The following AUH variants were observed in gnomAD, a reference collection of about 807,000 sequenced individuals.
AUH encodes methylglutaconyl-CoA hydratase, mitochondrial.
Under a neutral mutation model 42.3 loss-of-function variants are expected in AUH, and 29 were observed. The ratio of observed to expected loss-of-function variants is 0.69; its 90% CI spans 0.51 to 0.93. The LOEUF is 0.93. AUH is among the 40% of genes least tolerant of loss of function. The pLI, the probability that AUH is intolerant of heterozygous loss-of-function variation, is 0.00. For synonymous variants in AUH, 174 were observed against 166.4 expected, an observed-to-expected ratio of 1.05 and a Z score of -0.35; for missense variants, 452 against 438.1, an observed-to-expected ratio of 1.03 and a Z score of -0.28.
intron 9 of AUH, among the ~76,000 whole-genome samples, 183 bp downstream of exon 9, chr9:91,215,876 G>A (rs184930648): frequency 1.8e-4 from 28 of 152,312 alleles, no homozygotes; most frequent in African/African-American, 6.7e-4. Flanking sequence ...AGGCATTCCT[G>A]TGGAACAGAA....
At chr9:91,314,122 C>T (rs550441390) in intron 4 of AUH, among the ~76,000 whole-genome samples, 3 of 151,908 alleles carry the variant, frequency 2.0e-5, no homozygotes, top group Non-Finnish European at 4.4e-5. Flanking sequence ...CTGTGCCTGC[C>T]CATAAACGCA....
At chr9:91,238,948 C>G (rs1269393987) in intron 6 of AUH, among the ~76,000 whole-genome samples, 1 of 152,184 alleles carries the variant, frequency 6.6e-6, no homozygotes, top group Non-Finnish European at 1.5e-5. Context: ...GACCAAAAGA[C>G]CTAAATTCAA....
At chr9:91,283,330 T>C (rs367728024) in intron 6 of AUH, among the ~76,000 whole-genome samples, 1 of 151,996 alleles carries the variant, frequency 6.6e-6, no homozygotes. Context: ...TAAGAGCTAT[T>C]TATGACAAAC....
chr9:91,335,848 T>G (rs1056144810), intron 3 of AUH, among the ~76,000 whole-genome samples: 2 of 152,226 alleles, frequency 1.3e-5, no homozygotes, highest in Non-Finnish European at 2.9e-5. Flanking sequence ...CTGCCTGTGG[T>G]GACAGAATGT....
At chr9:91,244,402 A>C (rs796964168) in intron 6 of AUH, among the ~76,000 whole-genome samples, 4 of 152,372 alleles carry the variant, frequency 2.6e-5, no homozygotes, top group African/African-American at 7.2e-5. Flanking sequence ...CTGAATTTGC[A>C]CATAAACTTA....
At chr9:91,304,603 A>C (rs1286480052) in intron 4 of AUH, among the ~76,000 whole-genome samples, 1 of 152,372 alleles carries the variant, frequency 6.6e-6, no homozygotes, top group South Asian at 2.1e-4. Flanking sequence ...CAAAATGACA[A>C]GAAATTTGGG....
At chr9:91,237,560 A>G (rs1828260047) in intron 6 of AUH, among the ~76,000 whole-genome samples, 1 of 152,188 alleles carries the variant, frequency 6.6e-6, no homozygotes. Context: ...AGTATCCTCT[A>G]ACGCTGAACA....
At chr9:91,350,383 T>C (rs577170917) in intron 3 of AUH, among the ~76,000 whole-genome samples, 57 of 152,332 alleles carry the variant, frequency 3.7e-4, no homozygotes, top group African/African-American at 1.3e-3. Context: ...TAACCAGGTC[T>C]TTCACTTCAC....
In AUH at chr9:91,253,813, G is replaced by C. The variant is rs1829263733; in HGVS notation, c.656-32821C>G. Among the ~76,000 whole-genome samples the C allele has an allele frequency of 2.0e-5, 3 of 152,168 alleles. No individual in the cohort carries two copies. The South Asian group carries it at 6.2e-4, about 32-fold the overall frequency. ...TATCTAAATATATCACTATGTGGTG[G>C]ATAATCTTTGTATACTTTAAAGTGT... On this transcript the variant is annotated intron_variant, in intron 6 of 9. Transcript: ENST00000375731.
chr9:91,227,348 CTGTT>C (rs1827567444), intron 6 of AUH, among the ~76,000 whole-genome samples: 1 of 119,108 alleles, frequency 8.4e-6, no homozygotes. Context: ...ATTTGGCTCT[CTGTT>C]TGTCTGTTGT....
chr9:91,288,537 A>C (rs7865523), intron 6 of AUH, among the ~76,000 whole-genome samples: 3,036 of 152,258 alleles, frequency 0.02, 102 homozygotes, highest in African/African-American at 0.068. Context: ...TAAATGGGCC[A>C]GTGCTTCAAA....
At chr9:91,295,967 C>T in intron 6 of AUH, 54 bp downstream of exon 6, 1 of 1,592,518 alleles carries the variant, frequency 6.3e-7, no homozygotes, top group Non-Finnish European at 8.6e-7. Context: ...TGCCTTATGC[C>T]CTGTTTCTAG....
intron 3 of AUH, among the ~76,000 whole-genome samples, chr9:91,346,909 A>C (rs1288751524): frequency 2.0e-5 from 3 of 152,056 alleles, no homozygotes; most frequent in Admixed American, 2.0e-4. Flanking sequence ...TCAGGAACAG[A>C]CCAATGGAAC....
At chr9:91,311,198 T>C (rs1453393421) in intron 4 of AUH, among the ~76,000 whole-genome samples, 1 of 152,108 alleles carries the variant, frequency 6.6e-6, no homozygotes, top group Non-Finnish European at 1.5e-5. Flanking sequence ...GAAGAACAGA[T>C]CCAGAGACTG....
At chr9:91,303,525 T>C in intron 4 of AUH, among the ~76,000 whole-genome samples, 1 of 152,116 alleles carries the variant, frequency 6.6e-6, no homozygotes, top group East Asian at 1.9e-4. Context: ...AGAGACAGGG[T>C]TTCACCGTGT....
Position 91,237,571 on chromosome 9 carries a change from G to C in AUH, c.656-16579C>G, listed in dbSNP as rs145452269. ...CCCTAGTATCCTCTAACGCTGAACA[G>C]TTAAGTTTTTAATCTTTGGAAATCA... On this transcript the variant is annotated intron_variant, in intron 6 of 9. Transcript: ENST00000375731. Among the ~76,000 whole-genome samples the C allele has an allele frequency of 4.1e-4, 62 of 152,268 alleles. 1 individual carries two copies. Among genetic ancestry groups the C allele is most frequent in the African/African-American group, 1.2e-3 (49 of 41,544 alleles).
chr9:91,336,635 C>CAA (rs1378508727), intron 3 of AUH, among the ~76,000 whole-genome samples: 1 of 83,880 alleles, frequency 1.2e-5, no homozygotes, highest in Non-Finnish European at 2.4e-5. Context: ...ACTCGGTCTC[C>CAA]AAAAAAAAAA....
intron 6 of AUH, among the ~76,000 whole-genome samples, chr9:91,231,132 G>A (rs1224111060): frequency 1.4e-4 from 22 of 152,182 alleles, no homozygotes; most frequent in Admixed American, 1.4e-3. Flanking sequence ...GGCAATGGTG[G>A]GTGCCCCTCC....
chr9:91,287,587 G>T (rs1826519032), intron 6 of AUH, among the ~76,000 whole-genome samples: 1 of 152,042 alleles, frequency 6.6e-6, no homozygotes, highest in South Asian at 2.1e-4. Flanking sequence ...TACTATCTTT[G>T]TAACTATTCT....
Sources: gnomAD v4.1 joint callset for allele counts (sites outside exome capture counted in the v4.1 genomes callset) on GRCh38, gnomAD v4.1.1 for gene constraint, MANE v1.5 for transcripts, NCBI Gene and HGNC (gene_info 2026-07-23, HGNC 2026-07-21) for gene names.